The following OXSR1 variants were observed in gnomAD, a reference collection of about 807,000 sequenced individuals.
OXSR1 encodes the protein oxidative stress responsive kinase 1.
In OXSR1, 24 loss-of-function variants were observed where a neutral mutation model predicts 79.8. The ratio of observed to expected loss-of-function variants is 0.30; its 90% CI spans 0.22 to 0.42. The LOEUF is 0.42. Among genes scored for constraint, OXSR1 ranks in the 10% least tolerant of loss-of-function variants. The pLI, the probability that OXSR1 is intolerant of heterozygous loss-of-function variation, is 1.00. For missense variants in OXSR1, 430 were observed against 618.4 expected, an observed-to-expected ratio of 0.70 and a Z score of 3.23; for synonymous variants, 226 against 209.2, an observed-to-expected ratio of 1.08 and a Z score of -0.69.
chr3:38,190,854 A>G lies in OXSR1; in HGVS notation c.292+15A>G, dbSNP rs1231478110. The stretch of plus-strand genomic sequence containing the variant: ...GCTAAGTGGAGGTGAGTAGAGTACA[A>G]GGAAATGCTATAAGTACCATGGTTT... On this transcript the variant is annotated intron_variant, in intron 3 of 17. Coordinates refer to ENST00000311806, the MANE Select transcript of OXSR1 (RefSeq NM_005109.3). The G allele has an allele frequency of 3.0e-6, 4 of 1,320,986 alleles. No homozygotes were observed. Among genetic ancestry groups the G allele is most frequent in the Non-Finnish European group, 4.4e-6 (4 of 915,160 alleles). 81.8% of individuals were successfully genotyped at this position (1,320,986 alleles called of 1,614,324 possible). A position where few individuals can be genotyped will look rare whatever the true frequency, so the allele number is the denominator to read the frequency against.
intron 1 of OXSR1, among the ~76,000 whole-genome samples, chr3:38,178,618 ATATTTT>A (rs1156712828): frequency 6.8e-4 from 59 of 86,726 alleles, no homozygotes; most frequent in African/African-American, 3.1e-3. Context: ...ATATATATAT[ATATTTT>A]TTTTTTTTTT....
chr3:38,252,425 T>A, intron 17 of OXSR1, 33 bp downstream of exon 17: 1 of 1,442,710 alleles, frequency 6.9e-7, no homozygotes, highest in Non-Finnish European at 9.8e-7. Context: ...GAAAACATCT[T>A]GCCTTTTATA....
intron 12 of OXSR1, among the ~76,000 whole-genome samples, chr3:38,243,370 C>T (rs1703074412): frequency 2.6e-5 from 4 of 152,166 alleles, no homozygotes; most frequent in Admixed American, 2.6e-4. Flanking sequence ...GCGAATTTGT[C>T]AAATGCCACC....
intron 2 of OXSR1, among the ~76,000 whole-genome samples, chr3:38,185,562 G>T (rs1157518612): frequency 1.3e-4 from 20 of 152,054 alleles, no homozygotes; most frequent in Admixed American, 1.3e-3. Context: ...CTCCAGCTTG[G>T]GTGACAGAGC....
chr3:38,204,814 C>G (rs1389127817), intron 4 of OXSR1, among the ~76,000 whole-genome samples: 1 of 151,860 alleles, frequency 6.6e-6, no homozygotes, highest in East Asian at 2.0e-4. Flanking sequence ...CCCTTGGCTG[C>G]CCCATTGGTG....
intron 1 of OXSR1, among the ~76,000 whole-genome samples, chr3:38,179,911 T>G (rs1377014907): frequency 2.0e-5 from 3 of 151,992 alleles, no homozygotes. Context: ...CGGGTTCAAG[T>G]GATTCTCCTG....
At chr3:38,224,450 C>T in intron 7 of OXSR1, 121 bp from the exon 8 acceptor site, 1 of 713,422 alleles carries the variant, frequency 1.4e-6, no homozygotes, top group Non-Finnish European at 2.4e-6. Flanking sequence ...CAGATATGAA[C>T]TTACAGAAAA....
chr3:38,180,996 A>T (rs1022070436), intron 1 of OXSR1, among the ~76,000 whole-genome samples: 3 of 152,092 alleles, frequency 2.0e-5, no homozygotes, highest in Admixed American at 6.6e-5. Flanking sequence ...TTTTTGCCAC[A>T]TATGGTAACA....
chr3:38,210,464 G>A (rs1231880679), intron 4 of OXSR1, among the ~76,000 whole-genome samples: 1 of 152,094 alleles, frequency 6.6e-6, no homozygotes, highest in Admixed American at 6.5e-5. Flanking sequence ...TCTTCCTCCT[G>A]TGGGAAATTA....
intron 1 of OXSR1, among the ~76,000 whole-genome samples, chr3:38,167,468 T>C (rs1337978108): frequency 2.0e-5 from 3 of 152,220 alleles, no homozygotes; most frequent in Non-Finnish European, 4.4e-5. Context: ...AAAATTAGTT[T>C]TATAACAAAG....
chr3:38,176,109 G>A (rs1701672241), intron 1 of OXSR1, among the ~76,000 whole-genome samples: 1 of 151,968 alleles, frequency 6.6e-6, no homozygotes, highest in Non-Finnish European at 1.5e-5. Flanking sequence ...TTACCCGTAT[G>A]TATGAATATT....
chr3:38,241,688 AGTATAC>A (rs1369756127), intron 11 of OXSR1, among the ~76,000 whole-genome samples: 2 of 152,040 alleles, frequency 1.3e-5, no homozygotes, highest in Non-Finnish European at 2.9e-5. Flanking sequence ...TGGGGTAAAG[AGTATAC>A]TTACGTTCTT....
At position 38,209,186 on chromosome 3, in the gene OXSR1, C is replaced by T. The variant is rs79172450; in HGVS notation, c.435-6910C>T. ...GTTAAATAGTTGATTTTTAAGATTA[C>T]ATCTTTTTGTGTCTTTCTTTTTCAG... On this transcript the variant is annotated intron_variant, in intron 4 of 17. Coordinates refer to ENST00000311806, the MANE Select transcript of OXSR1 (RefSeq NM_005109.3). Among the ~76,000 whole-genome samples, 1,504 of 152,000 alleles carry T rather than the reference C, an allele frequency of 9.9e-3. 32 individuals are homozygous for T. Among genetic ancestry groups the T allele is most frequent in the African/African-American group, 0.032 (1,331 of 41,460 alleles).
In OXSR1 at chr3:38,250,060, T is replaced by G. The variant is rs750547078; in HGVS notation, c.1375+42T>G. The G allele has an allele frequency of 6.6e-6, 8 of 1,219,368 alleles. No individual in the cohort carries two copies. The Admixed American group carries it at 1.0e-4, about 16-fold the overall frequency. 75.5% of individuals were successfully genotyped at this position (1,219,368 alleles called of 1,614,324 possible). On this transcript the variant is annotated intron_variant, in intron 15 of 17. Coordinates refer to ENST00000311806, the MANE Select transcript of OXSR1 (RefSeq NM_005109.3). ...ATTGAAAACAAAATAGCTTCCAATT[T>G]GTGATTCAATGAAATGTGTTGTGAA...
chr3:38,175,036 A>G (rs1559499612), intron 1 of OXSR1, among the ~76,000 whole-genome samples: 1 of 152,214 alleles, frequency 6.6e-6, no homozygotes, highest in Non-Finnish European at 1.5e-5. Context: ...AAGAGACCTT[A>G]TTTAGAAAAG....
intron 1 of OXSR1, among the ~76,000 whole-genome samples, chr3:38,180,708 A>G (rs1201305597): frequency 2.0e-5 from 3 of 151,252 alleles, no homozygotes; most frequent in Non-Finnish European, 4.4e-5. Context: ...TTATTTTTGT[A>G]TTTTTTGTAG....
chr3:38,167,736 C>G (rs533761662), intron 1 of OXSR1, among the ~76,000 whole-genome samples: 25 of 152,148 alleles, frequency 1.6e-4, no homozygotes, highest in Non-Finnish European at 2.1e-4. Flanking sequence ...GACATGTATT[C>G]GTTGGTTCTA....
chr3:38,236,870 T>G lies in OXSR1; in HGVS notation c.983T>G (p.Leu328Arg). 1 of 1,612,080 alleles carries G rather than the reference T, an allele frequency of 6.2e-7. No homozygotes were observed. The change falls in exon 11 of 18, where the codon CTT (leucine) becomes CGT (arginine). Residue 328 changes from leucine (L) to arginine (R), a missense_variant. Physicochemically the swap from Leu to Arg is moderately radical, Grantham distance 102. This residue lies in a region of OXSR1 where 276 missense variants were observed against 354.2 expected (regional missense o/e 0.78). Coordinates refer to ENST00000311806, the MANE Select transcript of OXSR1 (RefSeq NM_005109.3). Reference protein sequence around the residue: ...VRRVPGSSGRLHKTEDGGWEW... With the variant: ...VRRVPGSSGRRHKTEDGGWEW... The stretch of plus-strand genomic sequence containing the variant: ...AGAGTACCAGGTTCCAGTGGGCGTC[T>G]TCATAAGACAGAGGATGGAGGCTGG...
chr3:38,217,259 C>T (rs975352634), intron 5 of OXSR1, among the ~76,000 whole-genome samples: 13 of 152,180 alleles, frequency 8.5e-5, no homozygotes, highest in Non-Finnish European at 1.8e-4. Flanking sequence ...AACATCTTGA[C>T]AGTACTAATT....
Sources: gnomAD v4.1 joint callset for allele counts (sites outside exome capture counted in the v4.1 genomes callset) on GRCh38, gnomAD v4.1.1 for gene constraint, gnomAD v4.1.1 regional missense constraint, MANE v1.5 for transcripts, NCBI Gene and HGNC (gene_info 2026-07-23, HGNC 2026-07-21) for gene names.